Variants in MIB1 observed in about 807,000 individuals in gnomAD.
MIB1 encodes E3 ubiquitin-protein ligase MIB1.
MIB1 carries 278 observed loss-of-function variants against 124.5 expected under a neutral mutation model. The ratio of observed to expected loss-of-function variants is 2.23; its 90% confidence interval spans 2.02 to 2.47. MIB1 has a LOEUF of 2.47. Among genes scored for constraint, MIB1 ranks in the 30% most tolerant of loss-of-function variants. The probability of loss-of-function intolerance (pLI) is 0.00; values close to 1 mark genes in which losing one functional copy is unlikely to be tolerated. For synonymous variants in MIB1, 446 were observed against 429.4 expected, an observed-to-expected ratio of 1.04 and a Z score of -0.48; for missense variants, 957 against 1,254.4, an observed-to-expected ratio of 0.76 and a Z score of 3.58.
At chr18:21,850,569 G>A (rs9960296) in intron 17 of MIB1, among the ~76,000 whole-genome samples, 2,559 of 152,138 alleles carry the variant, frequency 0.017, 64 homozygotes, top group African/African-American at 0.054. Context: ...TGTATCTTTC[G>A]TAGAATTTTT....
Position 21,765,779 on chromosome 18 carries a change from G to T in MIB1, c.237G>T (p.Lys79Asn). 1 of 1,613,734 alleles carries T rather than the reference G, an allele frequency of 6.2e-7. No individual in the cohort carries two copies. Among genetic ancestry groups the T allele is most frequent in the Non-Finnish European group, 8.5e-7 (1 of 1,179,772 alleles). The change falls in exon 2 of 21, where the codon AAG becomes AAT. Residue 79 changes from lysine (K) to asparagine (N), a missense_variant. Coordinates refer to ENST00000261537, the MANE Select transcript of MIB1 (RefSeq NM_020774.4). ...RILDSAPTGI[K>N]HDGTMCDTCR... ...GTGTCCTTGTTTTAATAGGCATCAAGCATGATGGAACCATGTGTGATACCT... is the reference window on the plus strand; with the variant it reads ...GTGTCCTTGTTTTAATAGGCATCAATCATGATGGAACCATGTGTGATACCT...
rs151278060 is a variant in MIB1 at position 21,760,439 on chromosome 18, G to C, written c.230-5333G>C. ...TAGTGCTCATTTTGGTAGTGGAATG[G>C]GTTGCTTTGTTTACATTTTTCAATT... is the stretch of plus-strand genomic sequence containing the variant. On this transcript the variant is annotated intron_variant, in intron 1 of 20. Transcript: ENST00000261537. Among the ~76,000 whole-genome samples, 167 of 152,242 alleles carry C rather than the reference G, an allele frequency of 1.1e-3. 1 individual carries two copies. The highest frequency in any genetic ancestry group is 3.8e-3 in the African/African-American group (156 of 41,554).
chr18:21,781,087 C>CT (rs1316194283), intron 6 of MIB1, among the ~76,000 whole-genome samples: 2 of 151,740 alleles, frequency 1.3e-5, no homozygotes, highest in East Asian at 1.9e-4. Flanking sequence ...AAATTAAAAA[C>CT]TTTTTTTATA....
At chr18:21,815,490 A>T in intron 10 of MIB1, 126 bp from the exon 11 acceptor site, 1 of 790,182 alleles carries the variant, frequency 1.3e-6, no homozygotes, top group Non-Finnish European at 2.0e-6. Context: ...GTCAAGTTCT[A>T]GTTATTTTGT....
intron 3 of MIB1, among the ~76,000 whole-genome samples, chr18:21,769,941 C>T (rs762128014): frequency 2.0e-5 from 3 of 152,118 alleles, no homozygotes; most frequent in African/African-American, 4.8e-5. Context: ...TGGTGGCTCA[C>T]GCCTGTAATC....
chr18:21,846,906 T>G, intron 15 of MIB1, 38 bp from the exon 16 acceptor site: 1 of 1,592,996 alleles, frequency 6.3e-7, no homozygotes. Context: ...GATGGCAGAT[T>G]CCTAGAGGGA....
chr18:21,794,721 G>A (rs2041553937), intron 7 of MIB1, among the ~76,000 whole-genome samples: 1 of 152,068 alleles, frequency 6.6e-6, no homozygotes. Context: ...CAGGTTATTG[G>A]TGCTAAAGGA....
At chr18:21,752,090 G>A (rs2040981179) in intron 1 of MIB1, among the ~76,000 whole-genome samples, 1 of 152,202 alleles carries the variant, frequency 6.6e-6, no homozygotes, top group Non-Finnish European at 1.5e-5. Flanking sequence ...GTTAAAGCAA[G>A]TAATTGAGCT....
At chr18:21,733,304 A>AT (rs543600792) in intron 1 of MIB1, among the ~76,000 whole-genome samples, 6 of 152,078 alleles carry the variant, frequency 3.9e-5, no homozygotes, top group African/African-American at 1.2e-4. Flanking sequence ...TGTTTATAAT[A>AT]TTTTTTTGTG....
intron 10 of MIB1, among the ~76,000 whole-genome samples, chr18:21,807,053 C>T (rs940348216): frequency 2.0e-5 from 3 of 152,040 alleles, no homozygotes; most frequent in African/African-American, 7.2e-5. Context: ...TAAGCAGGTG[C>T]GGTTTGTAGA....
At chr18:21,748,170 CTT>C (rs972246676) in intron 1 of MIB1, among the ~76,000 whole-genome samples, 6 of 152,156 alleles carry the variant, frequency 3.9e-5, no homozygotes, top group African/African-American at 1.4e-4. Flanking sequence ...GTATCATTCT[CTT>C]TTTCTTTTAT....
chr18:21,724,416 T>TA (rs1453319922), intron 1 of MIB1, among the ~76,000 whole-genome samples: 5 of 151,738 alleles, frequency 3.3e-5, no homozygotes, highest in Non-Finnish European at 1.5e-5. Flanking sequence ...AAAAATATAT[T>TA]AGAGTCAGCC....
At chr18:21,849,162 G>T in intron 16 of MIB1, 34 bp from the exon 17 acceptor site, 3 of 1,331,440 alleles carry the variant, frequency 2.3e-6, no homozygotes, top group Non-Finnish European at 3.1e-6. Flanking sequence ...TTTGTAATAA[G>T]ATAGGCTTGA....
chr18:21,714,872 T>C (rs1406773768), intron 1 of MIB1, among the ~76,000 whole-genome samples: 1 of 152,150 alleles, frequency 6.6e-6, no homozygotes, highest in African/African-American at 2.4e-5. Context: ...TTTGGTAGCC[T>C]AAAAGACCAG....
intron 6 of MIB1, 71 bp from the exon 7 acceptor site, chr18:21,791,303 T>C: frequency 1.5e-6 from 2 of 1,319,954 alleles, no homozygotes; most frequent in Admixed American, 4.6e-5. Flanking sequence ...CTTTTGATCT[T>C]CACTGTTTAA....
chr18:21,838,609 A>T, intron 13 of MIB1, 112 bp downstream of exon 13: 1 of 757,524 alleles, frequency 1.3e-6, no homozygotes, highest in Non-Finnish European at 2.1e-6. Context: ...AGGTTCCAGT[A>T]AAACCTCATG....
At chr18:21,853,098 T>A (rs761310528) in intron 17 of MIB1, 42 bp from the exon 18 acceptor site, 2 of 1,313,870 alleles carry the variant, frequency 1.5e-6, no homozygotes, top group Non-Finnish European at 2.2e-6. Context: ...TTACTAGATT[T>A]ATCTGTAAAT....
At chr18:21,816,934 G>C (rs143398222) in intron 11 of MIB1, among the ~76,000 whole-genome samples, 271 of 152,202 alleles carry the variant, frequency 1.8e-3, no homozygotes, top group Admixed American at 3.8e-3. Context: ...TATACCTGCT[G>C]ACGTTTTTTG....
rs573294137 is a variant in MIB1 at position 21,708,579 on chromosome 18, C to G, written n.167+3456C>G. 1.6e-4 allele frequency among the ~76,000 whole-genome samples: 25 copies of G among 152,196 alleles called. No homozygotes were observed. The South Asian group carries it at 5.2e-3, about 32-fold the overall frequency. On this transcript the variant is annotated intron_variant and non_coding_transcript_variant, in intron 1 of 20. Coordinates refer to the MIB1 transcript ENST00000578646. ...GCCGAGACAGGAGAATTGCTTGAAC[C>G]CGGGAAGGCGGAGATTCCAGTGAGC... is the stretch of plus-strand genomic sequence containing the variant.
Sources: gnomAD v4.1 joint callset for allele counts (sites outside exome capture counted in the v4.1 genomes callset) on GRCh38, gnomAD v4.1.1 for gene constraint, MANE v1.5 for transcripts, NCBI Gene and HGNC (gene_info 2026-07-23, HGNC 2026-07-21) for gene names.